Variants in SH3RF3 observed in about 807,000 individuals in gnomAD.
SH3RF3 encodes E3 ubiquitin-protein ligase SH3RF3.
A neutral mutation model predicts 66.3 loss-of-function variants in SH3RF3; 29 were observed. That is an observed-to-expected ratio of 0.44 (90% CI 0.33 to 0.60). SH3RF3 has a LOEUF of 0.60. Ranked by LOEUF, SH3RF3 falls within the 20% of genes least tolerant of loss-of-function variation. The pLI, the probability that SH3RF3 is intolerant of heterozygous loss-of-function variation, is 0.04. For missense variants in SH3RF3, 1,194 were observed against 1,190.9 expected (o/e 1.00, Z -0.04); for synonymous variants, 583 against 532.0 (o/e 1.10, Z -1.32).
intron 1 of SH3RF3, among the ~76,000 whole-genome samples, chr2:109,140,862 G>A (rs902789212): frequency 5.3e-5 from 8 of 152,144 alleles, no homozygotes; most frequent in Admixed American, 3.9e-4. Flanking sequence ...ACACAGTCTG[G>A]CCCCAGGGGT....
At chr2:109,141,504 G>C (rs1186905902) in intron 1 of SH3RF3, 1 of 154,988 alleles carries the variant, frequency 6.5e-6, no homozygotes, top group African/African-American at 2.4e-5. Flanking sequence ...GCCCAGCCCA[G>C]AGCTGAGCCC....
At chr2:109,164,841 C>T (rs1317108808) in intron 1 of SH3RF3, among the ~76,000 whole-genome samples, 1 of 152,204 alleles carries the variant, frequency 6.6e-6, no homozygotes, top group Admixed American at 6.5e-5. Flanking sequence ...CTTCCCCTTT[C>T]TTCCTGTTTC....
At chr2:109,409,869 T>C (rs1490731295) in intron 4 of SH3RF3, among the ~76,000 whole-genome samples, 1 of 152,110 alleles carries the variant, frequency 6.6e-6, no homozygotes, top group Non-Finnish European at 1.5e-5. Context: ...TAGCGAGTGA[T>C]GAATAATGCA....
chr2:109,324,096 CATA>C (rs1430625065), intron 1 of SH3RF3, among the ~76,000 whole-genome samples: 5 of 152,180 alleles, frequency 3.3e-5, no homozygotes, highest in Admixed American at 2.6e-4. Context: ...TTTCACTTAG[CATA>C]ATATTTTCAA....
intron 9 of SH3RF3, among the ~76,000 whole-genome samples, chr2:109,495,455 T>G (rs1260771897): frequency 6.7e-6 from 1 of 150,220 alleles, no homozygotes; most frequent in Non-Finnish European, 1.5e-5. Flanking sequence ...ACCGGCCATT[T>G]CATCCTGAAT....
At chr2:109,278,441 G>C (rs1680809946) in intron 1 of SH3RF3, among the ~76,000 whole-genome samples, 1 of 152,186 alleles carries the variant, frequency 6.6e-6, no homozygotes, top group South Asian at 2.1e-4. Context: ...AGTGTTGTCT[G>C]TTCAGCTAAA....
chr2:109,424,545 A>G (rs1676979998), intron 5 of SH3RF3, among the ~76,000 whole-genome samples: 1 of 152,142 alleles, frequency 6.6e-6, no homozygotes, highest in African/African-American at 2.4e-5. Context: ...CCATTTTCCA[A>G]CAGCATGTGC....
At chr2:109,452,870 GGTGCCAGGAGGCTGGTCCCA>G in intron 8 of SH3RF3, among the ~76,000 whole-genome samples, 1 of 148,544 alleles carries the variant, frequency 6.7e-6, no homozygotes, top group African/African-American at 2.5e-5. Context: ...CCGGGAGGCT[GGTGCCAGGAGGCTGGTCCCA>G]GGAGGCTGGT....
At chr2:109,175,154 C>T (rs768986307) in intron 1 of SH3RF3, among the ~76,000 whole-genome samples, 6 of 152,232 alleles carry the variant, frequency 3.9e-5, no homozygotes, top group South Asian at 2.1e-4. Flanking sequence ...GGGACCTAGT[C>T]CTGGTCCAGA....
At position 109,287,511 on chromosome 2, in the gene SH3RF3, C is replaced by T. The variant is rs191308705; in HGVS notation, c.574-60163C>T. 3.9e-5 allele frequency among the ~76,000 whole-genome samples: 6 copies of T among 152,350 alleles called. No individual in the cohort carries two copies. The East Asian group carries it at 9.6e-4, about 24-fold the overall frequency. On this transcript the variant is annotated intron_variant, in intron 1 of 9. Transcript: ENST00000309415. ...CTGAGAGCACCAGGTTGGGACACTACGCTCAGGTGACTTCCATGCACCCTG... is the reference window on the plus strand; with the variant it reads ...CTGAGAGCACCAGGTTGGGACACTATGCTCAGGTGACTTCCATGCACCCTG...
At chr2:109,260,524 T>C (rs2105288241) in intron 1 of SH3RF3, among the ~76,000 whole-genome samples, 1 of 152,328 alleles carries the variant, frequency 6.6e-6, no homozygotes, top group South Asian at 2.1e-4. Context: ...AGCTTAGCAC[T>C]TTCACTTGTA....
intron 1 of SH3RF3, among the ~76,000 whole-genome samples, chr2:109,244,044 A>G (rs1031799756): frequency 4.6e-5 from 7 of 152,174 alleles, no homozygotes; most frequent in Non-Finnish European, 1.0e-4. Context: ...TGAGATGGGT[A>G]ATTGTAGCGA....
chr2:109,488,985 T>C (rs1317025578), intron 8 of SH3RF3, among the ~76,000 whole-genome samples: 1 of 152,230 alleles, frequency 6.6e-6, no homozygotes, highest in South Asian at 2.1e-4. Context: ...GAACTCCCCA[T>C]GGACTGTCAG....
chr2:109,322,656 CT>C (rs1682053327), intron 1 of SH3RF3, among the ~76,000 whole-genome samples: 1 of 152,192 alleles, frequency 6.6e-6, no homozygotes, highest in Non-Finnish European at 1.5e-5. Flanking sequence ...CAGAAATAAC[CT>C]TTTAAAAAGG....
chr2:109,459,645 G>C (rs931861120), intron 8 of SH3RF3, among the ~76,000 whole-genome samples: 2 of 152,180 alleles, frequency 1.3e-5, no homozygotes, highest in Non-Finnish European at 2.9e-5. Flanking sequence ...AGCCAGCACA[G>C]TAGTTCCCGT....
At chr2:109,387,660 C>T (rs944849723) in intron 3 of SH3RF3, among the ~76,000 whole-genome samples, 8 of 152,218 alleles carry the variant, frequency 5.3e-5, no homozygotes, top group African/African-American at 1.9e-4. Flanking sequence ...AGCATATCCT[C>T]CTCTCATACT....
intron 2 of SH3RF3, among the ~76,000 whole-genome samples, chr2:109,366,603 C>CT (rs1393525744): frequency 8.5e-5 from 13 of 152,312 alleles, no homozygotes; most frequent in African/African-American, 3.1e-4. Context: ...AATCCCAGCA[C>CT]TTTAGGAGGC....
Position 109,176,490 on chromosome 2 carries a change from G to T in SH3RF3, c.573+46377G>T, listed in dbSNP as rs536618894. Among the ~76,000 whole-genome samples the T allele has an allele frequency of 3.9e-5, 6 of 152,266 alleles. 1 individual carries two copies. In the South Asian group the frequency reaches 1.0e-3, roughly 26 times the overall value. On this transcript the variant is annotated intron_variant, in intron 1 of 9. Coordinates refer to ENST00000309415, the MANE Select transcript of SH3RF3 (RefSeq NM_001099289.3). Reference sequence around the variant, plus strand: ...CTCATGCCTCTAATCCTAACACTTTGTGGGGCCAAGGTGGGAGGATCACTT... The same window carrying T: ...CTCATGCCTCTAATCCTAACACTTTTTGGGGCCAAGGTGGGAGGATCACTT...
At chr2:109,496,254 T>G (rs1472965287) in intron 9 of SH3RF3, among the ~76,000 whole-genome samples, 1 of 152,206 alleles carries the variant, frequency 6.6e-6, no homozygotes, top group Non-Finnish European at 1.5e-5. Context: ...CACTAATTGC[T>G]GCATTTTATA....
Sources: gnomAD v4.1 joint callset for allele counts (sites outside exome capture counted in the v4.1 genomes callset) on GRCh38, gnomAD v4.1.1 for gene constraint, MANE v1.5 for transcripts, NCBI Gene and HGNC (gene_info 2026-07-23, HGNC 2026-07-21) for gene names.